The following WNK1 variants were observed in gnomAD, a reference collection of about 807,000 sequenced individuals.
The protein encoded by WNK1 is serine/threonine-protein kinase WNK1.
A neutral mutation model predicts 222.8 loss-of-function variants in WNK1; 38 were observed. That is an observed-to-expected ratio of 0.17 (90% CI 0.13 to 0.22). The LOEUF is 0.22. Ranked by LOEUF, WNK1 falls within the 10% of genes least tolerant of loss-of-function variation. WNK1 has a pLI of 1.00. For missense variants in WNK1, 2,348 were observed against 2,918.4 expected (o/e 0.80, Z 4.50); for synonymous variants, 1,090 against 1,092.9 (o/e 1.00, Z 0.05).
chr12:900,623 C>T lies in WNK1; in HGVS notation c.6596C>T (p.Thr2199Ile), dbSNP rs749252314. The change falls in exon 26 of 28, where the codon ACC becomes ATC. Residue 2199 changes from threonine to isoleucine, a missense_variant. Thr to Ile is a moderately conservative substitution (Grantham distance 89, BLOSUM62 -1). Around this residue, in one of 13 missense-constraint regions of WNK1, gnomAD observed 1,144 missense variants for 1,273.6 expected, o/e 0.90. Transcript: ENST00000315939. ...PSSDNLYSAF[T>I]SDGAISVPSL... Reference sequence around the variant, plus strand: ...AGTGACAACCTCTATTCAGCCTTCACCAGTGATGGTGCCATTTCAGTACCA... The same window carrying T: ...AGTGACAACCTCTATTCAGCCTTCATCAGTGATGGTGCCATTTCAGTACCA... The T allele has an allele frequency of 1.9e-6, 3 of 1,614,194 alleles. No homozygotes were observed. The Admixed American group carries it at 5.0e-5, about 27-fold the overall frequency.
chr12:822,111 T>G (rs958358860), intron 2 of WNK1, among the ~76,000 whole-genome samples: 4 of 146,264 alleles, frequency 2.7e-5, no homozygotes, highest in African/African-American at 1.0e-4. Flanking sequence ...TTTTTTTTTT[T>G]GAGACGGAGC....
chr12:767,234 GTTTTTTTTTTTTTTTTTTTTTT>G (rs71051382), intron 1 of WNK1, among the ~76,000 whole-genome samples: 8 of 70,860 alleles, frequency 1.1e-4, no homozygotes, highest in African/African-American at 3.2e-4. Context: ...GGGTTGATAG[GTTTTTTTTTTTTTTTTTTTTTT>G]TTTTTTTTTT....
At chr12:857,048 GA>G (rs72648669) in intron 4 of WNK1, 112 bp from the exon 5 acceptor site, 3 of 1,138,270 alleles carry the variant, frequency 2.6e-6, no homozygotes, top group East Asian at 2.6e-5. Flanking sequence ...AGGCGAGTCA[GA>G]AAAAAAGCCG....
At chr12:877,997 A>G in intron 9 of WNK1, 1 of 604,196 alleles carries the variant, frequency 1.7e-6, no homozygotes, top group South Asian at 1.9e-5. Context: ...TTGAGTATTA[A>G]AAGATTGGTT....
At chr12:810,475 A>G (rs1028427908) in intron 1 of WNK1, among the ~76,000 whole-genome samples, 1 of 152,210 alleles carries the variant, frequency 6.6e-6, no homozygotes, top group Non-Finnish European at 1.5e-5. Context: ...AAATGTTAAT[A>G]AGACTTGAGG....
intron 4 of WNK1, among the ~76,000 whole-genome samples, chr12:847,584 A>G (rs1156892199): frequency 6.6e-6 from 1 of 152,188 alleles, no homozygotes; most frequent in African/African-American, 2.4e-5. Context: ...TTAAAAGCAC[A>G]ATAACATGGA....
intron 1 of WNK1, among the ~76,000 whole-genome samples, chr12:769,654 AG>A (rs1189662090): frequency 6.6e-6 from 1 of 152,228 alleles, no homozygotes; most frequent in East Asian, 1.9e-4. Context: ...TATTGTAGAA[AG>A]GTATTCAGAA....
intron 11 of WNK1, 88 bp from the exon 12 acceptor site, chr12:880,633 T>C: frequency 1.5e-6 from 2 of 1,297,586 alleles, no homozygotes; most frequent in Non-Finnish European, 2.2e-6. Context: ...GCTGTGTGCT[T>C]CTTTTTTTTT....
rs56249691 is a variant in WNK1, at chr12:859,707, AT to A, written c.1620+257del. ...ATTTTATAGTCCTTTTTAAAAGTAAATTTTTTTTTTTTTTGATGGAGAGAGA... is the reference window on the plus strand; with the variant it reads ...ATTTTATAGTCCTTTTTAAAAGTAAATTTTTTTTTTTTTGATGGAGAGAGA... On this transcript the variant is annotated intron_variant, in intron 6 of 27. Transcript: ENST00000315939. 0.015 allele frequency among the ~76,000 whole-genome samples: 2,116 copies of A among 140,104 alleles called. 26 individuals carry two copies. Among genetic ancestry groups the A allele is most frequent in the Middle Eastern group, 0.077 (21 of 272 alleles). 91.9% of individuals were successfully genotyped at this position (140,104 alleles called of 152,430 possible).
chr12:801,533 C>G (rs1288389186), intron 1 of WNK1, among the ~76,000 whole-genome samples: 1 of 150,806 alleles, frequency 6.6e-6, no homozygotes, highest in African/African-American at 2.4e-5. Flanking sequence ...CTCAGCCTAC[C>G]CAGTAGCTGG....
intron 2 of WNK1, among the ~76,000 whole-genome samples, chr12:824,216 C>CTTT (rs1207566592): frequency 8.7e-5 from 11 of 126,114 alleles, no homozygotes; most frequent in Admixed American, 4.0e-4. Flanking sequence ...GCAGAGACAT[C>CTTT]TTTTTTTTTT....
intron 10 of WNK1, 118 bp downstream of exon 10, chr12:878,479 G>C: frequency 8.6e-7 from 1 of 1,164,390 alleles, no homozygotes; most frequent in Non-Finnish European, 1.2e-6. Context: ...TCTTCTAAGG[G>C]TAACCAACCC....
chr12:907,320 CA>C (rs58787108), intron 26 of WNK1, among the ~76,000 whole-genome samples: 203 of 121,298 alleles, frequency 1.7e-3, no homozygotes, highest in Middle Eastern at 0.013. Context: ...GACTCCATCT[CA>C]AAAAAAAAAA....
intron 1 of WNK1, among the ~76,000 whole-genome samples, chr12:784,974 C>T (rs1462408431): frequency 1.3e-5 from 2 of 151,896 alleles, no homozygotes; most frequent in African/African-American, 2.4e-5. Flanking sequence ...AAATATTTTC[C>T]TTCATCTTCC....
intron 2 of WNK1, among the ~76,000 whole-genome samples, chr12:822,702 GTT>G (rs1331879017): frequency 2.6e-5 from 4 of 151,852 alleles, no homozygotes; most frequent in African/African-American, 4.8e-5. Flanking sequence ...CAAATTTTAT[GTT>G]TATACATTGT....
At chr12:879,514 T>TTTTTTTTTTTTTTTTTTTTTTTTTC in intron 10 of WNK1, 59 bp from the exon 11 acceptor site, 3 of 43,856 alleles carry the variant, frequency 6.8e-5, no homozygotes, top group South Asian at 2.6e-4. Flanking sequence ...GCAGCCTTGC[T>TTTTTTTTTTTTTTTTTTTTTTTTTC]TTTTTTTTTT....
At chr12:844,138 T>G (rs1949838359) in intron 4 of WNK1, among the ~76,000 whole-genome samples, 1 of 151,686 alleles carries the variant, frequency 6.6e-6, no homozygotes, top group South Asian at 2.1e-4. Flanking sequence ...TTATTTTATT[T>G]TATTTTTTTT....
intron 2 of WNK1, among the ~76,000 whole-genome samples, chr12:814,319 T>TC (rs1343944421): frequency 1.5e-5 from 2 of 132,984 alleles, no homozygotes; most frequent in Non-Finnish European, 3.2e-5. Context: ...AGACTCTGTC[T>TC]CCAAAAAAAA....
intron 1 of WNK1, among the ~76,000 whole-genome samples, chr12:773,685 C>G (rs1468412565): frequency 2.0e-5 from 3 of 152,160 alleles, no homozygotes; most frequent in African/African-American, 7.2e-5. Flanking sequence ...GAGGCTGTCT[C>G]AGGTAGCAAA....
Sources: allele counts gnomAD v4.1 joint callset (sites outside exome capture counted in the v4.1 genomes callset), GRCh38; gene constraint gnomAD v4.1.1; regional missense constraint gnomAD v4.1.1; transcripts MANE v1.5; gene names NCBI Gene and HGNC (gene_info 2026-07-23, HGNC 2026-07-21).